The following ATP1A3 variants were observed in gnomAD, a reference collection of about 807,000 sequenced individuals.
ATP1A3 encodes the protein sodium/potassium-transporting ATPase subunit alpha-3.
Under a neutral mutation model 108.8 loss-of-function variants are expected in ATP1A3, and 12 were observed. The ratio of observed to expected loss-of-function variants is 0.11; its 90% CI spans 0.07 to 0.18. ATP1A3 has a LOEUF of 0.18. Among genes scored for constraint, ATP1A3 ranks in the 10% least tolerant of loss-of-function variants. The pLI, the probability that ATP1A3 is intolerant of heterozygous loss-of-function variation, is 1.00. For synonymous variants in ATP1A3, 539 were observed against 564.5 expected (o/e 0.95, Z 0.64); for missense variants, 498 against 1,387.7 (o/e 0.36, Z 10.19).
Position 41,975,674 on chromosome 19 carries a change from G to A in ATP1A3, c.2218C>T (p.Leu740=). The A allele has an allele frequency of 6.2e-7, 1 of 1,614,152 alleles. No individual in the cohort carries two copies. Among genetic ancestry groups the A allele is most frequent in the Non-Finnish European group, 8.5e-7 (1 of 1,180,008 alleles). The change falls in exon 16 of 23, where the codon CTG becomes TTG. Residue 740 remains leucine, a synonymous_variant. Transcript: ENST00000648268. The part of the protein sequence containing the change: ...DVSKQAADMI[L]LDDNFASIVT... ...ATGGAGGCAAAGTTGTCGTCCAGCA[G>A]GATCATGTCAGCTGCCTGCTTGGAG...
In ATP1A3 at chr19:41,966,873, A is replaced by G; in HGVS notation, c.*64T>C. The G allele has an allele frequency of 1.3e-6, 2 of 1,548,610 alleles. No individual in the cohort carries two copies. The highest frequency in any genetic ancestry group is 1.7e-6 in the Non-Finnish European group (2 of 1,145,784). Reference sequence around the variant, plus strand: ...CCCCCCAGAATACAAAATTGGGGGGACTGACAGGGGCGGTCCTGGGCCTGG... The same window carrying G: ...CCCCCCAGAATACAAAATTGGGGGGGCTGACAGGGGCGGTCCTGGGCCTGG... On this transcript the variant is annotated 3_prime_UTR_variant, in exon 23 of 23. Transcript: ENST00000648268.
In ATP1A3 at chr19:41,966,634, C is replaced by A; in HGVS notation, c.*303G>T. On this transcript the variant is annotated 3_prime_UTR_variant, in exon 23 of 23. Coordinates refer to ENST00000648268, the MANE Select transcript of ATP1A3 (RefSeq NM_152296.5). ...AATTGTCCAGAACCAGAGATGGCAT[C>A]AGCCGGGGGGCTGAAGGGGAGTAAA... 1 of 1,493,760 alleles carries A rather than the reference C, an allele frequency of 6.7e-7. No homozygotes were observed. 92.5% of individuals were successfully genotyped at this position (1,493,760 alleles called of 1,614,324 possible).
chr19:41,973,257 G>C (rs993891766), intron 16 of ATP1A3, among the ~76,000 whole-genome samples: 4 of 152,086 alleles, frequency 2.6e-5, no homozygotes, highest in African/African-American at 9.7e-5. Context: ...AAGTTATTTT[G>C]TTTGTTTGTT....
rs1210909063 is a variant in ATP1A3 at position 41,978,465 on chromosome 19, C to T, written c.1631-139G>A. 5 of 1,472,432 alleles carry T rather than the reference C, an allele frequency of 3.4e-6. No homozygotes were observed. Among genetic ancestry groups the T allele is most frequent in the Non-Finnish European group, 4.6e-6 (5 of 1,077,316 alleles). 91.2% of individuals were successfully genotyped at this position (1,472,432 alleles called of 1,614,324 possible). On this transcript the variant is annotated intron_variant, in intron 12 of 22. Coordinates refer to ENST00000648268, the MANE Select transcript of ATP1A3 (RefSeq NM_152296.5). The surrounding 1 kb of genome is among the most constrained non-coding windows in gnomAD (Gnocchi z 8.3). ...CAGCATTCATTTCCTAGGATACCTTCCCCTCTCATCCATCCATTCATTCAT... is the reference window on the plus strand; with the variant it reads ...CAGCATTCATTTCCTAGGATACCTTTCCCTCTCATCCATCCATTCATTCAT...
At position 41,967,278 on chromosome 19, in the gene ATP1A3, C is replaced by T; in HGVS notation, c.2984G>A (p.Arg995His). The T allele has an allele frequency of 1.2e-6, 2 of 1,613,722 alleles. No homozygotes were observed. Among genetic ancestry groups the T allele is most frequent in the East Asian group, 2.2e-5 (1 of 44,868 alleles). The change falls in exon 22 of 23, where the codon CGC becomes CAC. Residue 995 changes from arginine (R) to histidine (H), a missense_variant. Around this residue, in one of 9 missense-constraint regions of ATP1A3, gnomAD observed 29 missense variants for 41.0 expected, o/e 0.71. Transcript: ENST00000648268. The surrounding 1 kb of genome is among the most constrained non-coding windows in gnomAD (Gnocchi z 4.2). ...SFLIFVYDEI[R>H]KLILRRNPGG... Reference sequence around the variant, plus strand: ...TGGGTTCCTGCGCAGGATGAGTTTGCGGATTTCGTCGTAGACGAAGATGAG... The same window carrying T: ...TGGGTTCCTGCGCAGGATGAGTTTGTGGATTTCGTCGTAGACGAAGATGAG...
chr19:41,973,997 A>G (rs2075140023), intron 16 of ATP1A3, among the ~76,000 whole-genome samples: 1 of 152,182 alleles, frequency 6.6e-6, no homozygotes, highest in African/African-American at 2.4e-5. Context: ...TTGGGAGGCC[A>G]AGGTGCGGGG....
chr19:41,977,230 ATGAC>A (rs529076035), intron 14 of ATP1A3, among the ~76,000 whole-genome samples: 1 of 152,104 alleles, frequency 6.6e-6, no homozygotes, highest in Non-Finnish European at 1.5e-5. Flanking sequence ...AAGAGAGACA[ATGAC>A]AGACAGACAG....
At chr19:41,983,833 G>GAC (rs1473959964) in intron 8 of ATP1A3, among the ~76,000 whole-genome samples, 34 of 144,982 alleles carry the variant, frequency 2.3e-4, no homozygotes, top group African/African-American at 8.5e-4. Flanking sequence ...GGAGTGAGGT[G>GAC]GCACGATCTC....
intron 15 of ATP1A3, 150 bp downstream of exon 15, chr19:41,976,266 A>T (rs1165766020): frequency 2.9e-6 from 3 of 1,049,036 alleles, no homozygotes; most frequent in Non-Finnish European, 4.1e-6. Context: ...CCTCAGACCC[A>T]GGAGTCCAGG....
At chr19:41,992,397 G>A (rs934295129) in intron 1 of ATP1A3, among the ~76,000 whole-genome samples, 5 of 152,132 alleles carry the variant, frequency 3.3e-5, no homozygotes, top group Non-Finnish European at 5.9e-5. Context: ...CGCTGTGGCC[G>A]CCTCTGCAGC....
At position 41,978,496 on chromosome 19, in the gene ATP1A3, C is replaced by CATTCATTT; in HGVS notation, c.1630+102_1630+109dup. 1 of 1,514,078 alleles carries CATTCATTT rather than the reference C, an allele frequency of 6.6e-7. No individual in the cohort carries two copies. Among genetic ancestry groups the CATTCATTT allele is most frequent in the Non-Finnish European group, 9.1e-7 (1 of 1,104,492 alleles). 93.8% of individuals were successfully genotyped at this position (1,514,078 alleles called of 1,614,324 possible). A position where few individuals can be genotyped will look rare whatever the true frequency, so the allele number is the denominator to read the frequency against. ...TCATCCATCCATTCATTCATTCATT[C>CATTCATTT]ATTCATTTACAGTATATTCTGGGAG... On this transcript the variant is annotated intron_variant, in intron 12 of 22. Transcript: ENST00000648268. This position sits in a 1 kb window ranked among gnomAD's most constrained non-coding sequence, Gnocchi z 8.3.
rs1032596747 is a variant in ATP1A3 at position 41,988,228 on chromosome 19, C to A, written c.154-89G>T. On this transcript the variant is annotated intron_variant, in intron 3 of 22. Coordinates refer to ENST00000648268, the MANE Select transcript of ATP1A3 (RefSeq NM_152296.5). The surrounding 1 kb of genome is among the most constrained non-coding windows in gnomAD (Gnocchi z 5.3). ...AGACCCCCAGAACTTAAGACACCAG[C>A]CACAGCCCCTCCTCCCTCAGACCCA... 3.3e-5 allele frequency: 53 copies of A among 1,612,142 alleles called. No homozygotes were observed. In the Admixed American group the frequency reaches 6.7e-4, roughly 20 times the overall value.
At chr19:41,983,678 G>A (rs2075257662) in intron 8 of ATP1A3, among the ~76,000 whole-genome samples, 1 of 147,862 alleles carries the variant, frequency 6.8e-6, no homozygotes, top group East Asian at 2.0e-4. Context: ...GTTCAATCAT[G>A]GCCCACTACA....
intron 1 of ATP1A3, 120 bp downstream of exon 1, chr19:41,993,951 G>C: frequency 6.5e-7 from 1 of 1,534,580 alleles, no homozygotes; most frequent in Non-Finnish European, 8.8e-7. Context: ...CGGCTCCCCG[G>C]GTCTCGCAGG....
In ATP1A3 at chr19:41,967,845, G is replaced by T; in HGVS notation, c.2820-82C>A. On this transcript the variant is annotated intron_variant, in intron 20 of 22. Transcript: ENST00000648268. The surrounding 1 kb of genome is among the most constrained non-coding windows in gnomAD (Gnocchi z 4.2). ...CCCCGCAGAGACAGGGGGAGGCACA[G>T]TGCAGACACCCAGAGACAGCAGCAC... is the stretch of plus-strand genomic sequence containing the variant. 2 of 1,210,454 alleles carry T rather than the reference G, an allele frequency of 1.7e-6. No homozygotes were observed. The highest frequency in any genetic ancestry group is 1.5e-5 in the African/African-American group (1 of 66,772). 75.0% of individuals were successfully genotyped at this position (1,210,454 alleles called of 1,614,324 possible).
chr19:41,973,855 T>C (rs547150933), intron 16 of ATP1A3, among the ~76,000 whole-genome samples: 2 of 152,222 alleles, frequency 1.3e-5, no homozygotes, highest in Admixed American at 6.5e-5. Context: ...CATAGATGTC[T>C]TGGGGAGGCC....
chr19:41,967,114 C>T lies in ATP1A3; in HGVS notation c.3013+135G>A, dbSNP rs551202558. ...CCCGTGAGAAGACAGAGTGGGTGCC[C>T]GGAGAGATGGGAAGAGAGAGAAGAG... On this transcript the variant is annotated intron_variant, in intron 22 of 22. Coordinates refer to ENST00000648268, the MANE Select transcript of ATP1A3 (RefSeq NM_152296.5). This position sits in a 1 kb window ranked among gnomAD's most constrained non-coding sequence, Gnocchi z 4.2. 4.8e-5 allele frequency: 75 copies of T among 1,555,500 alleles called. 1 individual carries two copies. The East Asian group carries it at 6.1e-4, about 13-fold the overall frequency.
chr19:41,980,807 A>G (rs1459886037), intron 11 of ATP1A3, among the ~76,000 whole-genome samples: 7 of 151,706 alleles, frequency 4.6e-5, no homozygotes, highest in Non-Finnish European at 1.0e-4. Context: ...GCTATTCTGG[A>G]GGCTGAGGCA....
In ATP1A3 at chr19:41,975,620, C is replaced by T. The variant is rs372897787; in HGVS notation, c.2263+9G>A. On this transcript the variant is annotated intron_variant, in intron 16 of 22. Transcript: ENST00000648268. ...CCCTGGTCTCCAGGGCCACCCCTGG[C>T]CAACTCACCCTCCTCCACCCCTGTG... 1.9e-6 allele frequency: 3 copies of T among 1,613,930 alleles called. No homozygotes were observed. Among genetic ancestry groups the T allele is most frequent in the Non-Finnish European group, 2.5e-6 (3 of 1,179,952 alleles).
Sources: allele counts gnomAD v4.1 joint callset (sites outside exome capture counted in the v4.1 genomes callset), GRCh38; gene constraint gnomAD v4.1.1; regional missense constraint gnomAD v4.1.1; non-coding constraint Gnocchi (gnomAD v3.1); transcripts MANE v1.5; gene names NCBI Gene and HGNC (gene_info 2026-07-23, HGNC 2026-07-21).